The following DNAH11 variants were observed in gnomAD, a reference collection of about 807,000 sequenced individuals.
The protein encoded by DNAH11 is dynein axonemal heavy chain 11, also known as axonemal beta dynein heavy chain 11.
In DNAH11, 442 loss-of-function variants were observed where a neutral mutation model predicts 526.0. The ratio of observed to expected loss-of-function variants is 0.84; its 90% CI spans 0.78 to 0.91. DNAH11 has a LOEUF of 0.91. Ranked by LOEUF, DNAH11 falls within the 40% of genes least tolerant of loss-of-function variation. The pLI is 0.00. For synonymous variants in DNAH11, 2,461 were observed against 1,935.9 expected (o/e 1.27, Z -7.12); for missense variants, 6,989 against 5,448.7 (o/e 1.28, Z -8.90).
Position 21,655,914 on chromosome 7 carries a change from C to A in DNAH11, c.5027C>A (p.Ala1676Glu), listed in dbSNP as rs776072985. ...AATCAGGATGTTTCTGCACACAGGGCAGTTGGAATGTACAGCAAAGAAAAG... is the reference window on the plus strand; with the variant it reads ...AATCAGGATGTTTCTGCACACAGGGAAGTTGGAATGTACAGCAAAGAAAAG... ...EDNQDVSAHR[A>E]VGMYSKEKEY... is the part of the protein sequence containing the mutation. Residue 1676 changes from alanine (A) to glutamate (E), a missense_variant, in exon 29 of 82, where the codon GCA becomes GAA. Coordinates refer to ENST00000409508, the MANE Select transcript of DNAH11 (RefSeq NM_001277115.2). 1 of 1,613,198 alleles carries A rather than the reference C, an allele frequency of 6.2e-7. No homozygotes were observed. Among genetic ancestry groups the A allele is most frequent in the Non-Finnish European group, 8.5e-7 (1 of 1,179,534 alleles).
intron 46 of DNAH11, 44 bp downstream of exon 46, chr7:21,735,888 C>T: frequency 1.3e-6 from 2 of 1,537,414 alleles, no homozygotes; most frequent in Non-Finnish European, 8.8e-7. Context: ...GATCAAAAAT[C>T]ATCAAGGCGG....
At chr7:21,822,051 T>C (rs1480040321) in intron 65 of DNAH11, among the ~76,000 whole-genome samples, 2 of 152,180 alleles carry the variant, frequency 1.3e-5, no homozygotes, top group Non-Finnish European at 2.9e-5. Context: ...TTCCTTTTTA[T>C]GGATGAATAG....
At chr7:21,627,926 TTG>T (rs975199341) in intron 25 of DNAH11, among the ~76,000 whole-genome samples, 2 of 152,222 alleles carry the variant, frequency 1.3e-5, no homozygotes, top group African/African-American at 4.8e-5. Flanking sequence ...TTTCTGTTTT[TTG>T]TGTGTGTCTT....
In DNAH11 at chr7:21,787,543, G is replaced by T. The variant is rs554507939; in HGVS notation, c.9884G>T (p.Gly3295Val). 2 of 1,612,896 alleles carry T rather than the reference G, an allele frequency of 1.2e-6. No homozygotes were observed. Among genetic ancestry groups the T allele is most frequent in the Admixed American group, 1.7e-5 (1 of 59,886 alleles). ...LIRTKSFAAA[G>V]LCAWVINIIK... ...CGAACCAAATCTTTTGCAGCAGCTG[G>T]CCTGTGTGCCTGGGTCATCAACATC... The change falls in exon 60 of 82, where the codon GGC becomes GTC. Residue 3295 changes from glycine to valine, a missense_variant. Transcript: ENST00000409508.
chr7:21,543,110 T>A lies in DNAH11; in HGVS notation c.-136T>A. On this transcript the variant is annotated 5_prime_UTR_variant, in exon 1 of 82. Coordinates refer to ENST00000409508, the MANE Select transcript of DNAH11 (RefSeq NM_001277115.2). ...GGCGCGGCTGCTAAGTAGCAGCAGG[T>A]GGGAGACTAGGGTCTGCGCTCGCGG... is the stretch of plus-strand genomic sequence containing the variant. The A allele has an allele frequency of 7.0e-7, 1 of 1,419,978 alleles. No homozygotes were observed. The highest frequency in any genetic ancestry group is 9.1e-7 in the Non-Finnish European group (1 of 1,094,262). The allele number at this position is 1,419,978 out of a possible 1,614,324, so 88.0% of individuals were successfully genotyped here. A position where few individuals can be genotyped will look rare whatever the true frequency, so the allele number is the denominator to read the frequency against.
chr7:21,808,145 G>A, intron 63 of DNAH11, 96 bp downstream of exon 63: 1 of 1,031,642 alleles, frequency 9.7e-7, no homozygotes, highest in Non-Finnish European at 1.3e-6. Context: ...TTGGACGTCT[G>A]TAATGAGAAC....
At chr7:21,708,885 A>G (rs1364654518) in intron 40 of DNAH11, among the ~76,000 whole-genome samples, 2 of 152,188 alleles carry the variant, frequency 1.3e-5, no homozygotes, top group African/African-American at 2.4e-5. Context: ...CAAAATCACA[A>G]TGAGATAGAA....
At chr7:21,779,488 C>G (rs552750365) in intron 57 of DNAH11, among the ~76,000 whole-genome samples, 1 of 152,264 alleles carries the variant, frequency 6.6e-6, no homozygotes, top group East Asian at 1.9e-4. Flanking sequence ...CATTCCGTCA[C>G]TTTGCAAGAT....
At position 21,837,940 on chromosome 7, in the gene DNAH11, G is replaced by A. The variant is rs182061167; in HGVS notation, c.10692-4604G>A. 2.9e-4 allele frequency among the ~76,000 whole-genome samples: 44 copies of A among 152,146 alleles called. No homozygotes were observed. The East Asian group carries it at 3.7e-3, about 13-fold the overall frequency. On this transcript the variant is annotated intron_variant, in intron 65 of 81. Transcript: ENST00000409508. ...TACATGTATTGAAACATCTCATGGG[G>A]CCCCATAAATATGTATAATTATGTG...
At chr7:21,772,331 T>G (rs1489695784) in intron 55 of DNAH11, among the ~76,000 whole-genome samples, 1 of 129,416 alleles carries the variant, frequency 7.7e-6, no homozygotes. Context: ...GAGGCCAGAG[T>G]GTTTTTTTTT....
In DNAH11 at chr7:21,842,658, C is replaced by G. The variant is rs761263808; in HGVS notation, c.10806C>G (p.Leu3602=). The stretch of plus-strand genomic sequence containing the variant: ...CGGAATTACAAGCTCAGACAACTCT[C>G]CTCAATTTCACAGTCACAGAAGATG... ...YKPELQAQTT[L]LNFTVTEDGL... The change falls in exon 66 of 82, where the codon CTC becomes CTG. Residue 3602 remains leucine (L), a synonymous_variant. Transcript: ENST00000409508. The G allele has an allele frequency of 1.9e-6, 3 of 1,613,894 alleles. No homozygotes were observed. The South Asian group carries it at 3.3e-5, about 18-fold the overall frequency.
At chr7:21,818,364 T>C (rs774465755) in intron 65 of DNAH11, 25 bp downstream of exon 65, 53 of 1,597,928 alleles carry the variant, frequency 3.3e-5, no homozygotes, top group Non-Finnish European at 4.5e-5. Flanking sequence ...ATTTTTAACA[T>C]ATATATCTTG....
intron 55 of DNAH11, among the ~76,000 whole-genome samples, chr7:21,766,111 T>G (rs1787176073): frequency 6.6e-6 from 1 of 152,160 alleles, no homozygotes; most frequent in Non-Finnish European, 1.5e-5. Flanking sequence ...ACTTACTGTT[T>G]TACAGATTTA....
At position 21,690,850 on chromosome 7, in the gene DNAH11, G is replaced by A. The variant is rs772193258; in HGVS notation, c.6010G>A (p.Glu2004Lys). 1.0e-4 allele frequency: 163 copies of A among 1,612,342 alleles called. 1 individual carries two copies. Among genetic ancestry groups the A allele is most frequent in the African/African-American group, 5.3e-5 (4 of 74,838 alleles). The stretch of plus-strand genomic sequence containing the variant: ...GAACCCGGGTTATGCTGGTCGAACC[G>A]AATTACCGGAAAATCTCAAAGCTCT... The part of the protein sequence containing the change: ...TMNPGYAGRT[E>K]LPENLKALFR... The change falls in exon 35 of 82, where the codon GAA (glutamate) becomes AAA (lysine). Residue 2004 changes from glutamate (E) to lysine (K), a missense_variant. Transcript: ENST00000409508.
At chr7:21,799,193 A>T (rs1788851763) in intron 61 of DNAH11, among the ~76,000 whole-genome samples, 1 of 152,176 alleles carries the variant, frequency 6.6e-6, no homozygotes, top group African/African-American at 2.4e-5. Context: ...AATAGCCCCA[A>T]CTTGATACTG....
intron 61 of DNAH11, among the ~76,000 whole-genome samples, chr7:21,800,403 G>T (rs973009963): frequency 2.6e-5 from 4 of 152,156 alleles, no homozygotes; most frequent in African/African-American, 9.7e-5. Context: ...AGGCCAAGGT[G>T]GGTGGATCAC....
At chr7:21,896,453 T>TA (rs961631214) in intron 79 of DNAH11, among the ~76,000 whole-genome samples, 5 of 152,226 alleles carry the variant, frequency 3.3e-5, no homozygotes, top group Admixed American at 1.3e-4. Context: ...GATCTGGTCT[T>TA]AAATATTTGC....
At chr7:21,595,409 C>T (rs1309803563) in intron 14 of DNAH11, among the ~76,000 whole-genome samples, 1 of 152,142 alleles carries the variant, frequency 6.6e-6, no homozygotes, top group East Asian at 1.9e-4. Flanking sequence ...GGTGCTGGAC[C>T]AGGGTGGTAG....
chr7:21,715,480 G>T (rs759397772), intron 42 of DNAH11, among the ~76,000 whole-genome samples: 1 of 152,176 alleles, frequency 6.6e-6, no homozygotes, highest in Admixed American at 6.5e-5. Flanking sequence ...TTCCTGAGGT[G>T]GGGCACCAAT....
Sources: allele counts gnomAD v4.1 joint callset (sites outside exome capture counted in the v4.1 genomes callset), GRCh38; gene constraint gnomAD v4.1.1; transcripts MANE v1.5; gene names NCBI Gene and HGNC (gene_info 2026-07-23, HGNC 2026-07-21).